Variants in PCDH9 observed in about 807,000 individuals in gnomAD.
The protein encoded by PCDH9 is protocadherin 9.
Under a neutral mutation model 70.6 loss-of-function variants are expected in PCDH9, and 24 were observed. That is an observed-to-expected ratio of 0.34 (90% confidence interval 0.25 to 0.48). PCDH9 has a LOEUF of 0.48. PCDH9 is among the 20% of genes least tolerant of loss of function. PCDH9 has a pLI of 0.99. For missense variants in PCDH9, 1,281 were observed against 1,503.6 expected, an observed-to-expected ratio of 0.85 and a Z score of 2.45; for synonymous variants, 562 against 558.5, an observed-to-expected ratio of 1.01 and a Z score of -0.09.
At chr13:66,795,197 T>G (rs1158106392) in intron 3 of PCDH9, among the ~76,000 whole-genome samples, 2 of 152,176 alleles carry the variant, frequency 1.3e-5, no homozygotes, top group African/African-American at 4.8e-5. Context: ...GTTTAGTTTT[T>G]GAAATATTTG....
intron 2 of PCDH9, among the ~76,000 whole-genome samples, chr13:67,087,513 C>A (rs1474300387): frequency 2.0e-5 from 3 of 152,076 alleles, no homozygotes; most frequent in Non-Finnish European, 4.4e-5. Flanking sequence ...ATAGTAAAAG[C>A]AAGTTCTGAG....
chr13:66,317,662 T>G (rs1955677878), intron 4 of PCDH9, among the ~76,000 whole-genome samples: 1 of 152,110 alleles, frequency 6.6e-6, no homozygotes, highest in African/African-American at 2.4e-5. Flanking sequence ...GAGACAGAGC[T>G]CTGATGAAAT....
At chr13:67,148,738 GA>G (rs2087584999) in intron 2 of PCDH9, among the ~76,000 whole-genome samples, 1 of 152,082 alleles carries the variant, frequency 6.6e-6, no homozygotes. Context: ...AAAAGCCTGA[GA>G]AAAAGCTGAT....
chr13:66,925,029 A>G (rs2082695309), intron 2 of PCDH9, among the ~76,000 whole-genome samples: 1 of 151,886 alleles, frequency 6.6e-6, no homozygotes, highest in Non-Finnish European at 1.5e-5. Flanking sequence ...ATGATCTGAA[A>G]CTGTCAAATT....
chr13:66,913,578 C>T (rs1484833694), intron 2 of PCDH9, among the ~76,000 whole-genome samples: 1 of 151,888 alleles, frequency 6.6e-6, no homozygotes, highest in African/African-American at 2.4e-5. Flanking sequence ...TGGCCTTCTC[C>T]GTACTGTGTA....
At chr13:66,569,448 A>G (rs1178261895) in intron 4 of PCDH9, among the ~76,000 whole-genome samples, 7 of 152,190 alleles carry the variant, frequency 4.6e-5, no homozygotes, top group Admixed American at 3.3e-4. Flanking sequence ...ATTGTGTACA[A>G]TATATACAAT....
At chr13:66,566,902 T>C (rs2076660630) in intron 4 of PCDH9, among the ~76,000 whole-genome samples, 1 of 152,166 alleles carries the variant, frequency 6.6e-6, no homozygotes, top group Non-Finnish European at 1.5e-5. Context: ...ATTTTGACAT[T>C]GCACTGTCGT....
intron 2 of PCDH9, among the ~76,000 whole-genome samples, chr13:66,954,091 G>A (rs1365886803): frequency 6.6e-6 from 1 of 152,074 alleles, no homozygotes; most frequent in Admixed American, 6.5e-5. Flanking sequence ...AAAACAGTGG[G>A]GCTGGGCAAT....
chr13:66,763,943 T>C (rs9571652), intron 3 of PCDH9, among the ~76,000 whole-genome samples: 56,164 of 151,618 alleles, frequency 0.37, 10,782 homozygotes, highest in East Asian at 0.58. Flanking sequence ...GGATTACAGG[T>C]GCCCACCACA....
intron 2 of PCDH9, among the ~76,000 whole-genome samples, chr13:67,034,735 T>A (rs754503630): frequency 1.3e-5 from 2 of 152,006 alleles, no homozygotes; most frequent in African/African-American, 2.4e-5. Context: ...TTAAATAAAT[T>A]GTGTGTGTCA....
chr13:66,328,889 C>T (rs964953421), intron 4 of PCDH9, among the ~76,000 whole-genome samples: 4 of 152,200 alleles, frequency 2.6e-5, no homozygotes, highest in African/African-American at 9.6e-5. Flanking sequence ...TGGAAATTAC[C>T]TTAAAGAAGG....
intron 3 of PCDH9, among the ~76,000 whole-genome samples, chr13:66,700,097 G>A (rs1206291596): frequency 2.0e-5 from 3 of 152,166 alleles, no homozygotes; most frequent in South Asian, 2.1e-4. Context: ...CCCTTTGGCT[G>A]TGATGCAAGG....
intron 4 of PCDH9, among the ~76,000 whole-genome samples, chr13:66,339,418 C>T (rs1423829259): frequency 6.6e-6 from 1 of 151,930 alleles, no homozygotes; most frequent in Non-Finnish European, 1.5e-5. Flanking sequence ...CTTTCTACAC[C>T]TCTTTTGATT....
chr13:66,700,538 C>T (rs2078624275), intron 3 of PCDH9, among the ~76,000 whole-genome samples: 4 of 151,982 alleles, frequency 2.6e-5, no homozygotes, highest in Non-Finnish European at 5.9e-5. Context: ...TCTGAAAAGA[C>T]CACAAGAATT....
At chr13:66,559,833 T>TATACACACAC (rs777316241) in intron 4 of PCDH9, among the ~76,000 whole-genome samples, 6 of 87,100 alleles carry the variant, frequency 6.9e-5, no homozygotes, top group African/African-American at 1.7e-4. Context: ...TATATATATA[T>TATACACACAC]ACACACACAC....
intron 3 of PCDH9, among the ~76,000 whole-genome samples, chr13:66,830,478 A>T (rs1310309258): frequency 6.6e-6 from 1 of 152,222 alleles, no homozygotes; most frequent in Non-Finnish European, 1.5e-5. Context: ...GAAACTAAAG[A>T]TGCAACATTA....
intron 3 of PCDH9, among the ~76,000 whole-genome samples, chr13:66,760,901 C>A (rs1212700320): frequency 1.3e-5 from 2 of 152,080 alleles, no homozygotes; most frequent in Admixed American, 6.6e-5. Flanking sequence ...TTCAGCACCC[C>A]CAGGCTTGCT....
intron 2 of PCDH9, among the ~76,000 whole-genome samples, chr13:67,116,599 A>G (rs1158160178): frequency 2.0e-5 from 3 of 152,210 alleles, no homozygotes; most frequent in African/African-American, 7.2e-5. Context: ...CAAGCTACCT[A>G]CAAAACACAT....
chr13:66,508,622 C>A (rs1423317482), intron 4 of PCDH9, among the ~76,000 whole-genome samples: 1 of 152,056 alleles, frequency 6.6e-6, no homozygotes, highest in African/African-American at 2.4e-5. Context: ...AGCACTGTGG[C>A]CTTCATTATC....
Sources: allele counts gnomAD v4.1 joint callset (sites outside exome capture counted in the v4.1 genomes callset), GRCh38; gene constraint gnomAD v4.1.1; transcripts MANE v1.5; gene names NCBI Gene and HGNC (gene_info 2026-07-23, HGNC 2026-07-21).